WDR17: variants seen among roughly 807,000 people sequenced by gnomAD.
WDR17 encodes WD repeat domain 17, also known as WD repeat-containing protein 17.
Under a neutral mutation model 161.7 loss-of-function variants are expected in WDR17, and 143 were observed. The ratio of observed to expected loss-of-function variants is 0.88; its 90% confidence interval spans 0.77 to 1.02. WDR17 has a LOEUF of 1.02. WDR17 is among the 50% of genes least tolerant of loss of function. WDR17 has a pLI of 0.00. For missense variants in WDR17, 1,469 were observed against 1,520.9 expected, an observed-to-expected ratio of 0.97 and a Z score of 0.57; for synonymous variants, 517 against 515.6, an observed-to-expected ratio of 1.00 and a Z score of -0.04.
chr4:176,136,437 ATGAC>A (rs1267378139), intron 8 of WDR17, among the ~76,000 whole-genome samples: 3 of 151,716 alleles, frequency 2.0e-5, no homozygotes, highest in Admixed American at 6.6e-5. Context: ...AATAAAACTT[ATGAC>A]TGTAAAAACT....
chr4:176,081,391 A>G (rs1734727452), intron 1 of WDR17, among the ~76,000 whole-genome samples: 2 of 152,006 alleles, frequency 1.3e-5, no homozygotes, highest in African/African-American at 4.8e-5. Context: ...CAGAAAAATA[A>G]TTTCCCTCTC....
chr4:176,079,845 G>C (rs190820820), intron 1 of WDR17, among the ~76,000 whole-genome samples: 8 of 152,114 alleles, frequency 5.3e-5, no homozygotes, highest in East Asian at 3.9e-4. Context: ...ACAAGGCGAG[G>C]GGGGGTGAGC....
intron 7 of WDR17, among the ~76,000 whole-genome samples, chr4:176,133,025 T>G (rs545628563): frequency 1.4e-3 from 212 of 151,626 alleles, no homozygotes; most frequent in African/African-American, 4.7e-3. Context: ...CATTTCTGAA[T>G]AAAACTGTGC....
Position 176,139,953 on chromosome 4 carries a change from C to A in WDR17, c.1421C>A (p.Thr474Asn), listed in dbSNP as rs2126784407. ...WSHKDSKRIA[T>N]CSSDGFCIIR... ...CATAAAGATTCTAAAAGAATAGCAA[C>A]CTGCAGCAGTGATGGTTTCTGGTAA... The change falls in exon 10 of 29, where the codon ACC becomes AAC. Residue 474 changes from threonine (T) to asparagine (N), a missense_variant. Transcript: ENST00000508596. The A allele has an allele frequency of 1.2e-6, 2 of 1,611,652 alleles. No individual in the cohort carries two copies. The highest frequency in any genetic ancestry group is 8.5e-7 in the Non-Finnish European group (1 of 1,178,580).
At chr4:176,087,382 A>T (rs1282431444) in intron 1 of WDR17, among the ~76,000 whole-genome samples, 2 of 151,896 alleles carry the variant, frequency 1.3e-5, no homozygotes, top group East Asian at 3.9e-4. Context: ...CACTTCCATT[A>T]TTTCTGTTGA....
chr4:176,135,473 T>G, intron 8 of WDR17, 197 bp downstream of exon 8: 1 of 611,190 alleles, frequency 1.6e-6, no homozygotes, highest in Non-Finnish European at 2.8e-6. Flanking sequence ...TGATTCCTGG[T>G]TTCCTCTATA....
intron 18 of WDR17, among the ~76,000 whole-genome samples, chr4:176,156,939 C>T (rs1225032773): frequency 6.6e-6 from 1 of 152,076 alleles, no homozygotes; most frequent in Non-Finnish European, 1.5e-5. Flanking sequence ...TCTCTGTGCC[C>T]AGATTTCCTC....
intron 1 of WDR17, among the ~76,000 whole-genome samples, chr4:176,093,002 A>C (rs1405794340): frequency 6.6e-6 from 1 of 152,196 alleles, no homozygotes; most frequent in Non-Finnish European, 1.5e-5. Context: ...AGATTGTGCC[A>C]CTACACTCCA....
At chr4:176,111,343 G>A (rs764344850) in intron 1 of WDR17, 8 of 285,634 alleles carry the variant, frequency 2.8e-5, no homozygotes, top group East Asian at 1.3e-4. Context: ...GTCAGCTGTC[G>A]TTCCTTCATT....
At chr4:176,111,262 A>G (rs77443929) in intron 1 of WDR17, 2,117 of 175,144 alleles carry the variant, frequency 0.012, 19 homozygotes, top group Middle Eastern at 0.024. Context: ...TACTATTAAT[A>G]TAGCATGTGC....
chr4:176,145,873 T>TA, intron 11 of WDR17, 122 bp from the exon 12 acceptor site: 1 of 798,472 alleles, frequency 1.3e-6, no homozygotes, highest in Non-Finnish European at 1.9e-6. Flanking sequence ...TGTAAGTTTT[T>TA]AGTCTAACTT....
intron 5 of WDR17, among the ~76,000 whole-genome samples, chr4:176,125,557 A>G (rs546266319): frequency 2.6e-5 from 4 of 152,218 alleles, no homozygotes; most frequent in Non-Finnish European, 4.4e-5. Context: ...AAAATGAAAA[A>G]TAAGGTCCAC....
In WDR17 at chr4:176,177,667, A is replaced by G. The variant is rs370589445; in HGVS notation, c.3732+13A>G. ...ATTAAAAATCCAGGTAAAGCCTAACATCAGACATAACATGTGTATTTCACC... is the reference window on the plus strand; with the variant it reads ...ATTAAAAATCCAGGTAAAGCCTAACGTCAGACATAACATGTGTATTTCACC... On this transcript the variant is annotated intron_variant, in intron 28 of 28. Coordinates refer to ENST00000508596, the MANE Select transcript of WDR17 (RefSeq NM_181265.4). 1.0e-5 allele frequency: 16 copies of G among 1,575,742 alleles called. No homozygotes were observed. The highest frequency in any genetic ancestry group is 1.4e-5 in the Non-Finnish European group (16 of 1,168,424).
Position 176,137,388 on chromosome 4 carries a change from T to A in WDR17, c.1268-132T>A, listed in dbSNP as rs1744584721. ...TTTATCTATAATTTTATACAGTTAA[T>A]AATTTCAATTATAAAAAATTAAAGA... On this transcript the variant is annotated intron_variant, in intron 8 of 28. Coordinates refer to ENST00000508596, the MANE Select transcript of WDR17 (RefSeq NM_181265.4). The A allele has an allele frequency of 4.7e-6, 3 of 638,692 alleles. No individual in the cohort carries two copies. In the South Asian group the frequency reaches 6.2e-5, roughly 13 times the overall value. The allele number at this position is 638,692 out of a possible 1,614,324, so 39.6% of individuals were successfully genotyped here.
At chr4:176,168,861 G>C (rs991749703) in intron 23 of WDR17, 78 bp downstream of exon 23, 1 of 1,487,086 alleles carries the variant, frequency 6.7e-7, no homozygotes, top group African/African-American at 1.4e-5. Context: ...AGCAAATAGA[G>C]ATGCATGCAG....
Position 176,156,115 on chromosome 4 carries a change from G to C in WDR17, c.2497G>C (p.Val833Leu), listed in dbSNP as rs1172635152. ...KALSIAPGVS[V>L]KYWKKLMQRR... Reference sequence around the variant, plus strand: ...CCTGTCAATTGCACCAGGAGTCTCTGTGAAATACTGGAAGAAGTTAATGCA... The same window carrying C: ...CCTGTCAATTGCACCAGGAGTCTCTCTGAAATACTGGAAGAAGTTAATGCA... The change falls in exon 18 of 29, where the codon GTG becomes CTG. Residue 833 changes from valine to leucine, a missense_variant. By Grantham distance (32) the Val-to-Leu change is conservative. Transcript: ENST00000508596. The C allele has an allele frequency of 1.2e-6, 2 of 1,613,678 alleles. No homozygotes were observed. The highest frequency in any genetic ancestry group is 8.5e-7 in the Non-Finnish European group (1 of 1,179,788).
rs117594637 is a variant in WDR17 at position 176,149,517 on chromosome 4, G to A, written c.1898-290G>A. ...ACTCCTGGGCTCAAGGGATCCACCC[G>A]CCTCAGACTCCCAGGAAAGTGCTGG... On this transcript the variant is annotated intron_variant, in intron 13 of 28. Coordinates refer to ENST00000508596, the MANE Select transcript of WDR17 (RefSeq NM_181265.4). Among the ~76,000 whole-genome samples the A allele has an allele frequency of 6.2e-4, 95 of 152,120 alleles. No homozygotes were observed. The East Asian group carries it at 0.015, about 24-fold the overall frequency.
intron 1 of WDR17, among the ~76,000 whole-genome samples, chr4:176,105,400 C>G (rs1334985724): frequency 6.6e-6 from 1 of 152,056 alleles, no homozygotes; most frequent in Non-Finnish European, 1.5e-5. Context: ...ACACCCTACT[C>G]AGTAACTGCA....
intron 1 of WDR17, among the ~76,000 whole-genome samples, chr4:176,092,986 G>A (rs986091952): frequency 2.6e-5 from 4 of 152,154 alleles, no homozygotes; most frequent in African/African-American, 9.7e-5. Flanking sequence ...AGGTTGCAGT[G>A]AGCCCAGATT....
Sources: gnomAD v4.1 joint callset for allele counts (sites outside exome capture counted in the v4.1 genomes callset) on GRCh38, gnomAD v4.1.1 for gene constraint, MANE v1.5 for transcripts, NCBI Gene and HGNC (gene_info 2026-07-23, HGNC 2026-07-21) for gene names.